ABCA5: variants seen among roughly 807,000 people sequenced by gnomAD.
ABCA5 encodes the protein ATP binding cassette subfamily A member 5.
A neutral mutation model predicts 206.0 loss-of-function variants in ABCA5; 163 were observed. That is an observed-to-expected ratio of 0.79 (90% CI 0.70 to 0.90). The LOEUF (loss-of-function observed/expected upper bound fraction) is 0.90, where lower values mean the gene tolerates loss of function less well. Among genes scored for constraint, ABCA5 ranks in the 40% least tolerant of loss-of-function variants. The pLI is 0.00. For missense variants in ABCA5, 1,859 were observed against 1,912.9 expected, an observed-to-expected ratio of 0.97 and a Z score of 0.53; for synonymous variants, 609 against 613.8, an observed-to-expected ratio of 0.99 and a Z score of 0.11.
At position 69,287,766 on chromosome 17, in the gene ABCA5, G is replaced by A; in HGVS notation, c.1903-15C>T. On this transcript the variant is annotated splice_polypyrimidine_tract_variant and intron_variant, in intron 14 of 38. Transcript: ENST00000392676. ...AGCAGCAGTATCTGTGTGAAAAGAG[G>A]TGAAGAAGGGCAGGGAATCCTCAGA... 6.2e-7 allele frequency: 1 copy of A among 1,607,826 alleles called. No individual in the cohort carries two copies. Among genetic ancestry groups the A allele is most frequent in the African/African-American group, 1.3e-5 (1 of 74,764 alleles).
intron 22 of ABCA5, among the ~76,000 whole-genome samples, chr17:69,269,205 C>CA (rs2075243836): frequency 2.6e-5 from 4 of 151,920 alleles, no homozygotes; most frequent in Admixed American, 1.3e-4. Flanking sequence ...GTAGTAACAT[C>CA]AAAAAAACAC....
rs138345787 is a variant in ABCA5, at chr17:69,264,248, T to C, written c.3315+487A>G. On this transcript the variant is annotated intron_variant, in intron 24 of 38. Transcript: ENST00000392676. ...TTTTGTAGTTCTCCCTGTAGAGATC[T>C]TTCATCTCCTCTGTTAGATGTATTC... 4.7e-3 allele frequency among the ~76,000 whole-genome samples: 719 copies of C among 152,298 alleles called. 11 individuals carry two copies. The highest frequency in any genetic ancestry group is 0.016 in the African/African-American group (662 of 41,546).
intron 24 of ABCA5, 119 bp from the exon 25 acceptor site, chr17:69,261,867 C>G (rs2075151820): frequency 1.4e-5 from 6 of 428,314 alleles, no homozygotes; most frequent in Non-Finnish European, 2.5e-5. Flanking sequence ...ATCATTTAAA[C>G]TGAACACTAC....
In ABCA5 at chr17:69,247,011, T is replaced by C. The variant is rs1054611908; in HGVS notation, c.*526A>G. 1 of 152,092 alleles carries C rather than the reference T, an allele frequency of 6.6e-6. No individual in the cohort carries two copies. The highest frequency in any genetic ancestry group is 1.5e-5 in the Non-Finnish European group (1 of 67,934). The allele number at this position is 152,092 out of a possible 1,614,324, so 9.4% of individuals were successfully genotyped here. A position where few individuals can be genotyped will look rare whatever the true frequency, so the allele number is the denominator to read the frequency against. ...GGATATAACTTTCCTCAAATCTCTATATTGAGATTTCCTAGTGCTTACACT... is the reference window on the plus strand; with the variant it reads ...GGATATAACTTTCCTCAAATCTCTACATTGAGATTTCCTAGTGCTTACACT... On this transcript the variant is annotated 3_prime_UTR_variant, in exon 39 of 39. Coordinates refer to ENST00000392676, the MANE Select transcript of ABCA5 (RefSeq NM_172232.4).
chr17:69,324,728 T>C (rs1204990629), intron 1 of ABCA5, among the ~76,000 whole-genome samples: 1 of 152,232 alleles, frequency 6.6e-6, no homozygotes, highest in East Asian at 1.9e-4. Flanking sequence ...AGTAATGTTA[T>C]ACATTTCAAC....
chr17:69,282,001 C>T (rs1239900035), intron 18 of ABCA5, among the ~76,000 whole-genome samples: 1 of 152,106 alleles, frequency 6.6e-6, no homozygotes, highest in Non-Finnish European at 1.5e-5. Flanking sequence ...TGCTAACCTT[C>T]GATCATAAGA....
chr17:69,297,818 A>G (rs1239830079), intron 9 of ABCA5, among the ~76,000 whole-genome samples: 1 of 152,212 alleles, frequency 6.6e-6, no homozygotes, highest in Non-Finnish European at 1.5e-5. Context: ...AAAAGTGGAT[A>G]TGCTTCATGG....
chr17:69,249,912 C>A lies in ABCA5; in HGVS notation c.4758G>T (p.Leu1586=). The A allele has an allele frequency of 6.6e-7, 1 of 1,522,794 alleles. No homozygotes were observed. Among genetic ancestry groups the A allele is most frequent in the Non-Finnish European group, 8.8e-7 (1 of 1,135,756 alleles). 94.3% of individuals were successfully genotyped at this position (1,522,794 alleles called of 1,614,324 possible). A position where few individuals can be genotyped will look rare whatever the true frequency, so the allele number is the denominator to read the frequency against. The change falls in exon 37 of 39, where the codon CTG becomes CTT. Residue 1586 remains leucine (L), a synonymous_variant. Transcript: ENST00000392676. ...VQSLSQSFFK[L]EEAKHAFAIE... ...ATAGAAGATACTACTTACCTTCTTC[C>A]AGCTTAAAAAAAGATTGTGAAAGGG...
At chr17:69,264,954 C>G in intron 23 of ABCA5, 49 bp from the exon 24 acceptor site, 1 of 1,254,098 alleles carries the variant, frequency 8.0e-7, no homozygotes, top group Non-Finnish European at 1.1e-6. Context: ...ACTTTAGAAA[C>G]ACACAAATAA....
At chr17:69,320,470 A>C (rs1278403119) in intron 1 of ABCA5, among the ~76,000 whole-genome samples, 1 of 152,144 alleles carries the variant, frequency 6.6e-6, no homozygotes, top group Non-Finnish European at 1.5e-5. Context: ...CAAAAGCTTT[A>C]GTCTAATCAT....
At chr17:69,309,196 CTA>C in intron 4 of ABCA5, 64 bp downstream of exon 4, 2 of 1,313,206 alleles carry the variant, frequency 1.5e-6, no homozygotes, top group Middle Eastern at 2.2e-4. Flanking sequence ...AAAATTTTGA[CTA>C]TGAACTGCAA....
In ABCA5 at chr17:69,256,239, G is replaced by A. The variant is rs2075077590; in HGVS notation, c.3776C>T (p.Pro1259Leu). ...ATCTTCATCTTCATCCTCATTGTCT[G>A]GTGGTTCTGGAAGCTTCCTATTTTT... The part of the protein sequence containing the change: ...KSKNRKLPEP[P>L]DNEDEDEDVK... Residue 1259 changes from proline (P) to leucine (L), a missense_variant, in exon 29 of 39, where the codon CCA (proline) becomes CTA (leucine). Coordinates refer to ENST00000392676, the MANE Select transcript of ABCA5 (RefSeq NM_172232.4). 6.2e-7 allele frequency: 1 copy of A among 1,608,366 alleles called. No individual in the cohort carries two copies. The highest frequency in any genetic ancestry group is 8.5e-7 in the Non-Finnish European group (1 of 1,176,844).
In ABCA5 at chr17:69,263,697, C is replaced by CTTTTTTTTT. The variant is rs58369537; in HGVS notation, c.3315+1029_3315+1037dup. On this transcript the variant is annotated intron_variant, in intron 24 of 38. Coordinates refer to ENST00000392676, the MANE Select transcript of ABCA5 (RefSeq NM_172232.4). ...GGCTTTGTTCTTTTTACATGGATTC[C>CTTTTTTTTT]TTTTTTTTTTTTTTTTTGATAAAAA... is the stretch of plus-strand genomic sequence containing the variant. 2.5e-3 allele frequency among the ~76,000 whole-genome samples: 254 copies of CTTTTTTTTT among 103,658 alleles called. 29 individuals carry two copies. The highest frequency in any genetic ancestry group is 0.01 in the African/African-American group (229 of 22,696). 68.0% of individuals were successfully genotyped at this position (103,658 alleles called of 152,430 possible).
At chr17:69,284,977 A>G (rs2075434536) in intron 17 of ABCA5, among the ~76,000 whole-genome samples, 1 of 152,208 alleles carries the variant, frequency 6.6e-6, no homozygotes, top group African/African-American at 2.4e-5. Context: ...TATGGTGGTG[A>G]AAACCATGAG....
chr17:69,283,898 T>C (rs1053161567), intron 18 of ABCA5, 55 bp downstream of exon 18: 1 of 1,532,638 alleles, frequency 6.5e-7, no homozygotes, highest in Non-Finnish European at 8.7e-7. Flanking sequence ...ATTTTTGTCT[T>C]ATTCACCATC....
At position 69,254,322 on chromosome 17, in the gene ABCA5, T is replaced by C. The variant is rs1358302028; in HGVS notation, c.4237A>G (p.Ile1413Val). The C allele has an allele frequency of 2.5e-6, 4 of 1,604,452 alleles. No homozygotes were observed. Among genetic ancestry groups the C allele is most frequent in the African/African-American group, 2.7e-5 (2 of 74,738 alleles). Residue 1413 changes from isoleucine (I) to valine (V), a missense_variant, in exon 32 of 39, where the codon ATA becomes GTA. Physicochemically the swap from Ile to Val is conservative, Grantham distance 29. Coordinates refer to ENST00000392676, the MANE Select transcript of ABCA5 (RefSeq NM_172232.4). ...GMSASDMKEV[I>V]SRITHALDLK... is the part of the protein sequence containing the mutation. ...TAAAGACAATTATTTTACCGACTTA[T>C]GACTTCTTTCATGTCACTTGCACTC...
chr17:69,255,627 G>C lies in ABCA5; in HGVS notation c.3984C>G (p.Ile1328Met). 6.3e-7 allele frequency: 1 copy of C among 1,579,094 alleles called. No homozygotes were observed. The highest frequency in any genetic ancestry group is 8.5e-7 in the Non-Finnish European group (1 of 1,170,320). Residue 1328 changes from isoleucine to methionine, a missense_variant, in exon 31 of 39, where the codon ATC becomes ATG. Physicochemically the swap from Ile to Met is conservative, Grantham distance 10. Transcript: ENST00000392676. ...YISFCVKKGE[I>M]LGLLGPNGAG... ...CACCATTTGGACCCAATAGTCCTAA[G>C]ATCTCTCCTAAAGGAATTGAAAGAA...
intron 11 of ABCA5, among the ~76,000 whole-genome samples, chr17:69,292,063 T>C (rs1215535150): frequency 6.6e-6 from 1 of 152,116 alleles, no homozygotes; most frequent in African/African-American, 2.4e-5. Context: ...AAGCCAAGAC[T>C]GTGCCACTGT....
At chr17:69,261,508 A>C in intron 25 of ABCA5, 127 bp downstream of exon 25, 1 of 620,938 alleles carries the variant, frequency 1.6e-6, no homozygotes, top group South Asian at 2.4e-5. Context: ...ACACAAAAAG[A>C]AGCTGCCAAT....
Sources: allele counts gnomAD v4.1 joint callset (sites outside exome capture counted in the v4.1 genomes callset), GRCh38; gene constraint gnomAD v4.1.1; transcripts MANE v1.5; gene names NCBI Gene and HGNC (gene_info 2026-07-23, HGNC 2026-07-21).